Variants in SPAG16 observed in about 807,000 individuals in gnomAD.
SPAG16 encodes the protein sperm-associated antigen 16 protein.
Under a neutral mutation model 80.4 loss-of-function variants are expected in SPAG16, and 86 were observed. The observed-to-expected ratio is 1.07, with a 90% confidence interval of 0.90 to 1.28. The LOEUF is 1.28. Ranked by LOEUF, SPAG16 falls within the 50% of genes most tolerant of loss-of-function variation. The pLI is 0.00. For missense variants in SPAG16, 870 were observed against 765.3 expected (o/e 1.14, Z -1.61); for synonymous variants, 294 against 265.9 (o/e 1.11, Z -1.03).
chr2:213,798,659 TGA>T (rs1297877302), intron 10 of SPAG16, among the ~76,000 whole-genome samples: 2 of 152,192 alleles, frequency 1.3e-5, no homozygotes, highest in Non-Finnish European at 2.9e-5. Flanking sequence ...AGTCAGGGAG[TGA>T]CCCAAGATTA....
intron 10 of SPAG16, among the ~76,000 whole-genome samples, chr2:213,566,226 A>G (rs1263443801): frequency 6.6e-6 from 1 of 152,156 alleles, no homozygotes; most frequent in Non-Finnish European, 1.5e-5. Flanking sequence ...TCCAAATTGG[A>G]TAGTGAAATT....
chr2:214,014,500 A>T (rs2047488817), intron 13 of SPAG16, among the ~76,000 whole-genome samples: 2 of 152,188 alleles, frequency 1.3e-5, no homozygotes, highest in African/African-American at 4.8e-5. Context: ...GAGGATTCAT[A>T]TCTGCTGGAA....
At chr2:213,659,989 A>G (rs528139510) in intron 10 of SPAG16, among the ~76,000 whole-genome samples, 1 of 152,148 alleles carries the variant, frequency 6.6e-6, no homozygotes, top group Non-Finnish European at 1.5e-5. Context: ...TCTTTTTTTT[A>G]AGATGACTGG....
intron 15 of SPAG16, among the ~76,000 whole-genome samples, chr2:214,331,282 G>T (rs966785137): frequency 2.0e-5 from 3 of 152,124 alleles, no homozygotes; most frequent in African/African-American, 7.2e-5. Context: ...ACATAGGTAG[G>T]TAGGTAGATG....
At chr2:213,830,285 C>T (rs1409965844) in intron 10 of SPAG16, among the ~76,000 whole-genome samples, 2 of 152,170 alleles carry the variant, frequency 1.3e-5, no homozygotes, top group East Asian at 1.9e-4. Flanking sequence ...AGTTCCAATG[C>T]AAAATCCCAC....
At chr2:213,419,445 G>A (rs1189384652) in intron 9 of SPAG16, among the ~76,000 whole-genome samples, 1 of 151,942 alleles carries the variant, frequency 6.6e-6, no homozygotes. Context: ...ACTAACTGTG[G>A]TCAAATGAAT....
chr2:214,184,012 G>A (rs1443160323), intron 15 of SPAG16, among the ~76,000 whole-genome samples: 1 of 151,934 alleles, frequency 6.6e-6, no homozygotes, highest in Non-Finnish European at 1.5e-5. Context: ...TACTATACAT[G>A]TATTTATAGT....
intron 13 of SPAG16, among the ~76,000 whole-genome samples, chr2:214,068,838 G>C (rs1199279032): frequency 6.6e-6 from 1 of 151,984 alleles, no homozygotes; most frequent in Non-Finnish European, 1.5e-5. Flanking sequence ...AAGAACCAGG[G>C]TATTCTTGCT....
At chr2:213,927,566 G>T (rs1439026564) in intron 11 of SPAG16, among the ~76,000 whole-genome samples, 2 of 152,076 alleles carry the variant, frequency 1.3e-5, no homozygotes, top group Non-Finnish European at 2.9e-5. Flanking sequence ...ATATATTTTG[G>T]ATTTAGTATA....
intron 15 of SPAG16, among the ~76,000 whole-genome samples, chr2:214,319,225 A>ACACACACACACACACACACACACACAC (rs1189650614): frequency 2.5e-4 from 5 of 20,140 alleles, no homozygotes; most frequent in African/African-American, 3.3e-4. Flanking sequence ...CACACACACA[A>ACACACACACACACACACACACACACAC]GAAGTGTAGA....
chr2:213,508,847 A>C (rs897290423), intron 10 of SPAG16, among the ~76,000 whole-genome samples: 5 of 152,236 alleles, frequency 3.3e-5, no homozygotes, highest in African/African-American at 9.6e-5. Flanking sequence ...CAGCGCACCA[A>C]CATGGCACAT....
chr2:213,534,221 C>T (rs1414504375), intron 10 of SPAG16, among the ~76,000 whole-genome samples: 2 of 151,952 alleles, frequency 1.3e-5, no homozygotes, highest in East Asian at 3.9e-4. Flanking sequence ...TTATATGTTG[C>T]AAATGATTTC....
chr2:213,332,641 C>T (rs1000263442), intron 5 of SPAG16, among the ~76,000 whole-genome samples: 6 of 152,008 alleles, frequency 3.9e-5, no homozygotes, highest in African/African-American at 1.4e-4. Flanking sequence ...TACCAGCCAG[C>T]GGAATTCAAC....
At chr2:213,288,037 C>A (rs544297628) in intron 1 of SPAG16, among the ~76,000 whole-genome samples, 28 of 152,260 alleles carry the variant, frequency 1.8e-4, no homozygotes, top group Non-Finnish European at 3.2e-4. Flanking sequence ...TCCTGAGTAG[C>A]GGGGACTGCA....
intron 10 of SPAG16, among the ~76,000 whole-genome samples, chr2:213,621,230 T>C (rs981285421): frequency 6.6e-6 from 1 of 152,196 alleles, no homozygotes; most frequent in African/African-American, 2.4e-5. Context: ...TTGATCTTTT[T>C]TGTTAGTCAA....
chr2:214,044,633 G>A (rs998359109), intron 13 of SPAG16, among the ~76,000 whole-genome samples: 1 of 152,182 alleles, frequency 6.6e-6, no homozygotes, highest in Non-Finnish European at 1.5e-5. Context: ...GCACTGAAAA[G>A]GATAGAAAAG....
intron 10 of SPAG16, among the ~76,000 whole-genome samples, chr2:213,702,680 T>C (rs116501261): frequency 0.014 from 2,146 of 152,294 alleles, 25 homozygotes; most frequent in South Asian, 0.035. Flanking sequence ...CTATGACACA[T>C]AGAAGCTGAG....
chr2:214,288,350 T>C (rs1693523597), intron 15 of SPAG16, among the ~76,000 whole-genome samples: 1 of 152,254 alleles, frequency 6.6e-6, no homozygotes. Flanking sequence ...GTTGATTCCA[T>C]ATCTTTGCTA....
chr2:214,110,757 T>G (rs563346533), intron 14 of SPAG16, among the ~76,000 whole-genome samples: 108 of 152,326 alleles, frequency 7.1e-4, no homozygotes, highest in Non-Finnish European at 1.4e-3. Flanking sequence ...TGACCAACAG[T>G]GTAAAAGCAT....
Sources: gnomAD v4.1 joint callset for allele counts (sites outside exome capture counted in the v4.1 genomes callset) on GRCh38, gnomAD v4.1.1 for gene constraint, MANE v1.5 for transcripts, NCBI Gene and HGNC (gene_info 2026-07-23, HGNC 2026-07-21) for gene names.